The following NREP variants were observed in gnomAD, a reference collection of about 807,000 sequenced individuals.
NREP encodes neuronal regeneration-related protein.
NREP carries 5 observed loss-of-function variants against 8.6 expected under a neutral mutation model. That is an observed-to-expected ratio of 0.58 (90% CI 0.30 to 1.22). The LOEUF is 1.22. Among genes scored for constraint, NREP ranks in the 50% most tolerant of loss-of-function variants. The pLI is 0.07. For synonymous variants in NREP, 27 were observed against 28.0 expected (o/e 0.96, Z 0.11); for missense variants, 86 against 82.5 (o/e 1.04, Z -0.17).
chr5:111,747,986 CTCAG>C (rs1485040105), intron 2 of NREP, among the ~76,000 whole-genome samples: 1 of 152,162 alleles, frequency 6.6e-6, no homozygotes, highest in Admixed American at 6.5e-5. Context: ...TCATGACTGC[CTCAG>C]TCAGACTATT....
At chr5:111,760,408 G>T (rs1405799871), upstream of NREP, among the ~76,000 whole-genome samples, 1 of 152,124 alleles carries the variant, frequency 6.6e-6, no homozygotes, top group Non-Finnish European at 1.5e-5. Context: ...ACCCAAATCA[G>T]GATTTTCGTA....
At chr5:111,898,337 T>C (rs1323332890) in intron 2 of NREP, among the ~76,000 whole-genome samples, 1 of 152,062 alleles carries the variant, frequency 6.6e-6, no homozygotes, top group African/African-American at 2.4e-5. Flanking sequence ...TGACTATAAT[T>C]TAGAGATAGA....
At chr5:111,867,369 T>C (rs1469800002) in intron 2 of NREP, among the ~76,000 whole-genome samples, 1 of 152,052 alleles carries the variant, frequency 6.6e-6, no homozygotes, top group Middle Eastern at 3.2e-3. Flanking sequence ...CTCACATGGG[T>C]TTTTCTTCAT....
At chr5:111,880,699 C>T (rs868487192) in intron 2 of NREP, among the ~76,000 whole-genome samples, 1 of 142,254 alleles carries the variant, frequency 7.0e-6, no homozygotes, top group African/African-American at 2.6e-5. Context: ...GAGGTAGATA[C>T]AATTTAGTGC....
At chr5:111,777,014 T>TGGAGGAGGAGGA (rs147009924) in intron 2 of NREP, among the ~76,000 whole-genome samples, 1 of 125,628 alleles carries the variant, frequency 8.0e-6, no homozygotes, top group Non-Finnish European at 1.7e-5. Context: ...AGGAAGGAGG[T>TGGAGGAGGAGGA]GGAGGAGGAG....
At chr5:111,783,995 G>C (rs1751553510) in intron 2 of NREP, among the ~76,000 whole-genome samples, 2 of 152,158 alleles carry the variant, frequency 1.3e-5, no homozygotes, top group South Asian at 4.1e-4. Flanking sequence ...TTTGGGATAA[G>C]ACTTTAAAAA....
intron 2 of NREP, among the ~76,000 whole-genome samples, chr5:111,764,908 A>G (rs1409432746): frequency 6.6e-6 from 1 of 152,194 alleles, no homozygotes; most frequent in Non-Finnish European, 1.5e-5. Flanking sequence ...TCTAACTTGT[A>G]AAAATATTTC....
At chr5:111,894,291 T>C (rs910303071) in intron 2 of NREP, among the ~76,000 whole-genome samples, 48 of 152,064 alleles carry the variant, frequency 3.2e-4, no homozygotes, top group Non-Finnish European at 6.5e-4. Context: ...AGTTCAAGTG[T>C]AGGGTATTGA....
At chr5:111,890,523 T>C (rs766027727) in intron 2 of NREP, among the ~76,000 whole-genome samples, 16 of 152,302 alleles carry the variant, frequency 1.1e-4, no homozygotes, top group Admixed American at 3.3e-4. Flanking sequence ...TGCACTGCCC[T>C]AATAGAGGTT....
rs1483975497 is a variant in NREP at position 111,729,629 on chromosome 5, C to G, written c.*1292G>C. On this transcript the variant is annotated 3_prime_UTR_variant, in exon 4 of 4. Coordinates refer to ENST00000257435, the MANE Select transcript of NREP (RefSeq NM_004772.4). ...CAGTCAGAAGCGAAACAGTTCAGAA[C>G]AAGGCCTGCCCTGTCAAAAGAAGAG... 3.3e-5 allele frequency: 5 copies of G among 152,650 alleles called. No individual in the cohort carries two copies. Among genetic ancestry groups the G allele is most frequent in the Admixed American group, 6.5e-5 (1 of 15,278 alleles). The allele number at this position is 152,650 out of a possible 1,614,324, so 9.5% of individuals were successfully genotyped here. A position where few individuals can be genotyped will look rare whatever the true frequency, so the allele number is the denominator to read the frequency against.
intron 2 of NREP, among the ~76,000 whole-genome samples, chr5:111,873,087 T>C (rs761748913): frequency 6.6e-6 from 1 of 152,158 alleles, no homozygotes; most frequent in African/African-American, 2.4e-5. Flanking sequence ...GAAATAAAAA[T>C]ACCTACCTCA....
chr5:111,887,059 G>T (rs1754272027), intron 2 of NREP, among the ~76,000 whole-genome samples: 1 of 151,676 alleles, frequency 6.6e-6, no homozygotes, highest in Admixed American at 6.6e-5. Context: ...AAACAACTGG[G>T]ACTACAGGTG....
intron 2 of NREP, among the ~76,000 whole-genome samples, chr5:111,867,410 C>G (rs778778583): frequency 6.6e-6 from 1 of 152,140 alleles, no homozygotes; most frequent in East Asian, 1.9e-4. Flanking sequence ...CTTCCTTGCA[C>G]GTGCTCACTT....
At chr5:111,815,231 G>C (rs2112918292) in intron 2 of NREP, among the ~76,000 whole-genome samples, 1 of 152,294 alleles carries the variant, frequency 6.6e-6, no homozygotes, top group East Asian at 1.9e-4. Flanking sequence ...CAGGCTTTCA[G>C]TTGATAGTTC....
intron 2 of NREP, among the ~76,000 whole-genome samples, chr5:111,921,800 T>G (rs976159466): frequency 2.6e-5 from 4 of 151,896 alleles, no homozygotes; most frequent in African/African-American, 4.8e-5. Flanking sequence ...CGGAGGGAGG[T>G]AGGTAATTGA....
chr5:111,728,880 C>T (rs1748320736), downstream of NREP: 1 of 151,640 alleles, frequency 6.6e-6, no homozygotes, highest in Non-Finnish European at 1.5e-5. Context: ...GCACATATTC[C>T]ATGAAGAAGG....
intron 2 of NREP, among the ~76,000 whole-genome samples, chr5:111,907,439 A>G (rs1356729156): frequency 6.6e-6 from 1 of 152,014 alleles, no homozygotes; most frequent in Non-Finnish European, 1.5e-5. Context: ...TTGAAAAACT[A>G]TCCTTTCTCC....
chr5:111,840,941 AAGG>A (rs1753015909), intron 2 of NREP, among the ~76,000 whole-genome samples: 1 of 152,100 alleles, frequency 6.6e-6, no homozygotes, highest in African/African-American at 2.4e-5. Context: ...TTTCAGCTTC[AAGG>A]AGGAGCAGCA....
chr5:111,885,552 C>T lies in NREP; in HGVS notation c.135+89722G>A, dbSNP rs1399624334. 5.9e-5 allele frequency among the ~76,000 whole-genome samples: 9 copies of T among 152,080 alleles called. No individual in the cohort carries two copies. In the South Asian group the frequency reaches 1.2e-3, roughly 21 times the overall value. ...CAAAAGAACAAAGCTGGAGGCATCA[C>T]GCTACCTGACTTCAAACTATACTAC... is the stretch of plus-strand genomic sequence containing the variant. On this transcript the variant is annotated intron_variant, in intron 2 of 3. Coordinates refer to the NREP transcript ENST00000395634.
Sources: allele counts gnomAD v4.1 joint callset (sites outside exome capture counted in the v4.1 genomes callset), GRCh38; gene constraint gnomAD v4.1.1; transcripts MANE v1.5; gene names NCBI Gene and HGNC (gene_info 2026-07-23, HGNC 2026-07-21).